Variants in CARD8 observed in about 807,000 individuals in gnomAD.
CARD8 encodes the protein caspase recruitment domain family member 8.
Under a neutral mutation model 53.2 loss-of-function variants are expected in CARD8, and 38 were observed. The observed-to-expected ratio is 0.71, with a 90% CI of 0.55 to 0.94. CARD8 has a LOEUF of 0.94. CARD8 is among the 40% of genes least tolerant of loss of function. CARD8 has a pLI of 0.00. For missense variants in CARD8, 561 were observed against 655.5 expected (o/e 0.86, Z 1.57); for synonymous variants, 245 against 244.9 (o/e 1.00, Z 0.00).
intron 13 of CARD8, among the ~76,000 whole-genome samples, chr19:48,214,808 A>C (rs1387304595): frequency 1.2e-5 from 1 of 82,346 alleles, no homozygotes; most frequent in Non-Finnish European, 2.0e-5. Context: ...TTTTTTGTAG[A>C]CCGAGAGTCT....
chr19:48,214,637 G>A (rs559401001), intron 13 of CARD8, among the ~76,000 whole-genome samples: 1 of 152,240 alleles, frequency 6.6e-6, no homozygotes, highest in East Asian at 1.9e-4. Flanking sequence ...AAGAAGGGAT[G>A]CAAGACCCCG....
chr19:48,236,524 T>A (rs56321977), intron 5 of CARD8, among the ~76,000 whole-genome samples: 5,769 of 152,064 alleles, frequency 0.038, 356 homozygotes, highest in African/African-American at 0.12. Flanking sequence ...TGGGATAGGT[T>A]TTATTAAACA....
intron 8 of CARD8, among the ~76,000 whole-genome samples, chr19:48,231,259 A>G (rs2042828783): frequency 6.6e-6 from 1 of 152,130 alleles, no homozygotes; most frequent in South Asian, 2.1e-4. Context: ...AATTTTAGCT[A>G]TCATAAGGGA....
intron 1 of CARD8, among the ~76,000 whole-genome samples, chr19:48,251,790 G>C (rs760268190): frequency 6.6e-6 from 1 of 152,096 alleles, no homozygotes; most frequent in Non-Finnish European, 1.5e-5. Context: ...GCCATGTCCT[G>C]TTTGTGTTCC....
At position 48,231,712 on chromosome 19, in the gene CARD8, GC is replaced by G; in HGVS notation, c.489del (p.Pro164LeufsTer9). ...AACTCAACATCCACATTTCCTTCAG[GC>G]CCCAGAAACTGACGATTTTTATAAT... ...EEDYKNRQFLGPEGNVDVELI... is the reference protein window; with the variant it reads ...EEDYKNRQFLXPEGNVDVELI... On this transcript the variant is annotated frameshift_variant, in exon 8 of 14. Transcript: ENST00000651546. LOFTEE classifies it high-confidence loss of function. 1 of 1,612,718 alleles carries G rather than the reference GC, an allele frequency of 6.2e-7. No homozygotes were observed. Among genetic ancestry groups the G allele is most frequent in the African/African-American group, 1.3e-5 (1 of 74,816 alleles).
At chr19:48,212,590 G>A (rs1462380363) in intron 13 of CARD8, among the ~76,000 whole-genome samples, 1 of 152,212 alleles carries the variant, frequency 6.6e-6, no homozygotes, top group Non-Finnish European at 1.5e-5. Flanking sequence ...ATGCATGGAG[G>A]TTGAGGTGTG....
rs1440372829 is a variant in CARD8, at chr19:48,208,489, T to C, written c.*3221A>G. On this transcript the variant is annotated 3_prime_UTR_variant, in exon 14 of 14. Transcript: ENST00000651546. ...CCAAATAAATAATAAACATCTTCTGTTGGATACAAATAAAACAGAGTCTCA... is the reference window on the plus strand; with the variant it reads ...CCAAATAAATAATAAACATCTTCTGCTGGATACAAATAAAACAGAGTCTCA... 1.3e-5 allele frequency: 2 copies of C among 152,156 alleles called. No individual in the cohort carries two copies. Among genetic ancestry groups the C allele is most frequent in the Non-Finnish European group, 2.9e-5 (2 of 68,030 alleles). 9.4% of individuals were successfully genotyped at this position (152,156 alleles called of 1,614,324 possible).
At chr19:48,231,226 T>A (rs530361100) in intron 8 of CARD8, among the ~76,000 whole-genome samples, 3 of 152,314 alleles carry the variant, frequency 2.0e-5, no homozygotes, top group East Asian at 3.9e-4. Flanking sequence ...TCACAGTGCA[T>A]GAAATAAACA....
rs139799165 is a variant in CARD8, at chr19:48,236,714, C to T, written c.209+1669G>A. Among the ~76,000 whole-genome samples, 190 of 152,266 alleles carry T rather than the reference C, an allele frequency of 1.2e-3. 4 individuals carry two copies. The highest frequency in any genetic ancestry group is 4.3e-3 in the African/African-American group (180 of 41,540). On this transcript the variant is annotated intron_variant, in intron 5 of 13. Coordinates refer to ENST00000651546, the MANE Select transcript of CARD8 (RefSeq NM_001184900.3). ...AAAATCTATACCTGAGTTAACAGTACTGTATCAACATCAGTTTCCTGGTAT... is the reference window on the plus strand; with the variant it reads ...AAAATCTATACCTGAGTTAACAGTATTGTATCAACATCAGTTTCCTGGTAT...
intron 11 of CARD8, among the ~76,000 whole-genome samples, chr19:48,219,475 G>C (rs888394035): frequency 2.0e-5 from 3 of 152,152 alleles, no homozygotes; most frequent in African/African-American, 7.2e-5. Context: ...AAAAAAAGCT[G>C]CCCTGGGGAG....
chr19:48,217,648 C>T (rs1349172385), intron 12 of CARD8, among the ~76,000 whole-genome samples: 1 of 152,226 alleles, frequency 6.6e-6, no homozygotes, highest in African/African-American at 2.4e-5. Context: ...CATAGAGCTT[C>T]ATTGAAATTT....
At position 48,230,895 on chromosome 19, in the gene CARD8, C is replaced by G. The variant is rs1285146147; in HGVS notation, c.654G>C (p.Leu218=). The change falls in exon 9 of 14, where the codon CTG becomes CTC. Residue 218 remains leucine (L), a synonymous_variant. Transcript: ENST00000651546. ...TIAFGSWSQH[L]ALDLQHHEQW... The stretch of plus-strand genomic sequence containing the variant: ...GTTCATGGTGCTGCAGGTCCAGGGC[C>G]AGGTGCTGACTCCAGGAACCAAACG... 3.3e-5 allele frequency: 53 copies of G among 1,614,060 alleles called. No individual in the cohort carries two copies. The highest frequency in any genetic ancestry group is 4.5e-5 in the Non-Finnish European group (53 of 1,180,048).
chr19:48,209,832 T>C lies in CARD8; in HGVS notation c.*1878A>G, dbSNP rs2037724619. The C allele has an allele frequency of 6.6e-6, 1 of 152,342 alleles. No homozygotes were observed. The allele number at this position is 152,342 out of a possible 1,614,324, so 9.4% of individuals were successfully genotyped here. A position where few individuals can be genotyped will look rare whatever the true frequency, so the allele number is the denominator to read the frequency against. On this transcript the variant is annotated 3_prime_UTR_variant, in exon 14 of 14. Transcript: ENST00000651546. ...TTTACAGTAGAAGACATGAGAAGGA[T>C]ATAAAAGTTTGTTTTCTGTATTCTT...
At chr19:48,228,401 A>C (rs2042197960) in intron 10 of CARD8, among the ~76,000 whole-genome samples, 1 of 152,204 alleles carries the variant, frequency 6.6e-6, no homozygotes, top group African/African-American at 2.4e-5. Flanking sequence ...CTGCTGTTAT[A>C]GAAGAGTGTT....
At chr19:48,206,308 T>A, downstream of CARD8, 1 of 379,260 alleles carries the variant, frequency 2.6e-6, no homozygotes, top group Admixed American at 3.0e-5. Context: ...AATAGAACAG[T>A]AGCAGCTAGC....
chr19:48,205,322 C>T (rs891271974), downstream of CARD8, among the ~76,000 whole-genome samples: 1 of 152,110 alleles, frequency 6.6e-6, no homozygotes, highest in East Asian at 1.9e-4. Context: ...CTCTGCTTCC[C>T]GGGTTCAAGC....
intron 13 of CARD8, chr19:48,213,012 C>CT (rs1188533711): frequency 6.6e-6 from 1 of 152,210 alleles, no homozygotes; most frequent in Non-Finnish European, 1.5e-5. Flanking sequence ...TGTGTGGAGC[C>CT]TGACAATGAA....
In CARD8 at chr19:48,211,978, GGAT is replaced by G; in HGVS notation, c.1349-6_1349-4del. Reference sequence around the variant, plus strand: ...GTTCTCCTTCACAAAGGCTGCACCTGGATGAAAGGGGGAGTTTCAGACTTTGAG... The same window carrying G: ...GTTCTCCTTCACAAAGGCTGCACCTGGAAAGGGGGAGTTTCAGACTTTGAG... On this transcript the variant is annotated splice_region_variant and splice_polypyrimidine_tract_variant and intron_variant, in intron 13 of 13. Transcript: ENST00000651546. The G allele has an allele frequency of 6.2e-7, 1 of 1,611,702 alleles. No homozygotes were observed. Among genetic ancestry groups the G allele is most frequent in the Non-Finnish European group, 8.5e-7 (1 of 1,178,608 alleles).
At chr19:48,233,236 C>G (rs981884709) in intron 6 of CARD8, 1 of 434,046 alleles carries the variant, frequency 2.3e-6, no homozygotes, top group African/African-American at 2.0e-5. Flanking sequence ...GTTCGTCATG[C>G]CTCTGGAGAG....
Sources: gnomAD v4.1 joint callset for allele counts (sites outside exome capture counted in the v4.1 genomes callset) on GRCh38, gnomAD v4.1.1 for gene constraint, MANE v1.5 for transcripts, NCBI Gene and HGNC (gene_info 2026-07-23, HGNC 2026-07-21) for gene names.